Variants in COP1 observed in about 807,000 individuals in gnomAD.
COP1 encodes COP1 E3 ubiquitin ligase.
A neutral mutation model predicts 101.3 loss-of-function variants in COP1; 24 were observed. The ratio of observed to expected loss-of-function variants is 0.24; its 90% CI spans 0.17 to 0.33. The LOEUF is 0.33. Ranked by LOEUF, COP1 falls within the 10% of genes least tolerant of loss-of-function variation. The pLI, the probability that COP1 is intolerant of heterozygous loss-of-function variation, is 1.00. For synonymous variants in COP1, 347 were observed against 341.9 expected, an observed-to-expected ratio of 1.01 and a Z score of -0.17; for missense variants, 663 against 906.2, an observed-to-expected ratio of 0.73 and a Z score of 3.45.
chr1:176,183,868 C>T (rs1202871845), intron 2 of COP1, among the ~76,000 whole-genome samples: 1 of 152,010 alleles, frequency 6.6e-6, no homozygotes, highest in Non-Finnish European at 1.5e-5. Context: ...TCTACTTATT[C>T]GAGGTATCTA....
chr1:176,080,008 A>C (rs1341124220), intron 11 of COP1, among the ~76,000 whole-genome samples: 1 of 152,172 alleles, frequency 6.6e-6, no homozygotes, highest in South Asian at 2.1e-4. Flanking sequence ...AAAAAAAATC[A>C]GTAACAGAAA....
intron 9 of COP1, among the ~76,000 whole-genome samples, chr1:176,086,412 G>C (rs1393246909): frequency 6.6e-6 from 1 of 151,778 alleles, no homozygotes; most frequent in Admixed American, 6.6e-5. Context: ...ATTTTTAGTA[G>C]AGACAGGGTT....
At chr1:176,071,916 G>A (rs975195881) in intron 11 of COP1, among the ~76,000 whole-genome samples, 1 of 152,144 alleles carries the variant, frequency 6.6e-6, no homozygotes, top group African/African-American at 2.4e-5. Flanking sequence ...CTCTAATAAA[G>A]GCAAGGGAAA....
intron 18 of COP1, among the ~76,000 whole-genome samples, chr1:175,964,088 C>T (rs1651710423): frequency 6.6e-6 from 1 of 152,112 alleles, no homozygotes; most frequent in Non-Finnish European, 1.5e-5. Context: ...ATATTACATG[C>T]AAGATACTAT....
intron 6 of COP1, among the ~76,000 whole-genome samples, chr1:176,147,017 T>C (rs1444207298): frequency 6.6e-6 from 1 of 152,202 alleles, no homozygotes; most frequent in Non-Finnish European, 1.5e-5. Context: ...TATATCAATG[T>C]CTAAAACTAC....
chr1:176,005,203 G>GT (rs1662816511), intron 15 of COP1, among the ~76,000 whole-genome samples: 1 of 151,800 alleles, frequency 6.6e-6, no homozygotes, highest in Non-Finnish European at 1.5e-5. Flanking sequence ...GTGATATCCC[G>GT]TTTATCATTT....
At chr1:175,997,639 C>A (rs975986987) in intron 15 of COP1, among the ~76,000 whole-genome samples, 23 of 152,126 alleles carry the variant, frequency 1.5e-4, no homozygotes, top group African/African-American at 5.3e-4. Context: ...CCAAAAAACA[C>A]ATGAAAAAAT....
In COP1 at chr1:176,093,766, G is replaced by A. The variant is rs1030908160; in HGVS notation, c.1027-7876C>T. 6.6e-5 allele frequency among the ~76,000 whole-genome samples: 10 copies of A among 152,120 alleles called. No homozygotes were observed. In the East Asian group the frequency reaches 1.9e-3, roughly 29 times the overall value. On this transcript the variant is annotated intron_variant, in intron 9 of 19. Coordinates refer to ENST00000367669, the MANE Select transcript of COP1 (RefSeq NM_022457.7). The stretch of plus-strand genomic sequence containing the variant: ...CAGGCAGGAGAATGCTGTGAACCTG[G>A]GAGGCGGAGCCTGCAGTGAGCCGAG...
chr1:176,045,329 G>C (rs1401192201), intron 12 of COP1, among the ~76,000 whole-genome samples: 4 of 151,854 alleles, frequency 2.6e-5, no homozygotes, highest in African/African-American at 9.7e-5. Context: ...CAAATGAATG[G>C]GGAAGCTCAC....
intron 9 of COP1, among the ~76,000 whole-genome samples, chr1:176,113,065 C>T (rs1022512757): frequency 2.6e-5 from 4 of 152,060 alleles, no homozygotes; most frequent in African/African-American, 4.8e-5. Context: ...GGATATATAG[C>T]CAGCAGTGGG....
chr1:176,187,803 G>A (rs148941311), intron 1 of COP1, among the ~76,000 whole-genome samples: 1 of 152,088 alleles, frequency 6.6e-6, no homozygotes, highest in Non-Finnish European at 1.5e-5. Context: ...ACCAAAAAGA[G>A]AAAATACGGG....
intron 5 of COP1, among the ~76,000 whole-genome samples, chr1:176,153,077 C>T (rs1018876927): frequency 2.6e-5 from 4 of 152,240 alleles, no homozygotes; most frequent in Admixed American, 6.5e-5. Context: ...TTCCCTAATT[C>T]TCCACCATCT....
At chr1:176,043,108 G>A in intron 14 of COP1, 78 bp downstream of exon 14, 1 of 826,718 alleles carries the variant, frequency 1.2e-6, no homozygotes, top group East Asian at 2.4e-5. Flanking sequence ...GTAAATATTT[G>A]TATTTCTGCC....
chr1:175,964,146 A>C (rs1465003059), intron 18 of COP1, among the ~76,000 whole-genome samples: 1 of 152,190 alleles, frequency 6.6e-6, no homozygotes, highest in Non-Finnish European at 1.5e-5. Context: ...AAGGTTAAAT[A>C]ACTTTCCCAA....
chr1:176,104,024 A>G (rs899560474), intron 9 of COP1, among the ~76,000 whole-genome samples: 2 of 152,196 alleles, frequency 1.3e-5, no homozygotes, highest in Non-Finnish European at 2.9e-5. Context: ...AGTATCAGAC[A>G]TTAAAACATA....
At chr1:176,144,262 A>G (rs1481672040) in intron 6 of COP1, among the ~76,000 whole-genome samples, 1 of 152,160 alleles carries the variant, frequency 6.6e-6, no homozygotes, top group African/African-American at 2.4e-5. Context: ...GTTGCTGGAT[A>G]TTTTTAAAAA....
At chr1:176,093,178 A>C (rs1681651770) in intron 9 of COP1, among the ~76,000 whole-genome samples, 1 of 152,210 alleles carries the variant, frequency 6.6e-6, no homozygotes, top group Non-Finnish European at 1.5e-5. Flanking sequence ...CATAAATATC[A>C]GAAAAATAAT....
intron 18 of COP1, 71 bp downstream of exon 18, chr1:175,986,872 T>A: frequency 8.4e-7 from 1 of 1,193,900 alleles, no homozygotes; most frequent in Admixed American, 2.7e-5. Context: ...TTTTAAAATT[T>A]AATCAAACCC....
rs1446755992 is a variant in COP1 at position 175,945,189 on chromosome 1, G to T, written c.2179-19C>A. 1.3e-6 allele frequency: 2 copies of T among 1,537,224 alleles called. No homozygotes were observed. Among genetic ancestry groups the T allele is most frequent in the Middle Eastern group, 1.7e-4 (1 of 5,942 alleles). ...CTAGCACCTAATTGGGGGGAAAAAAGGATCCATTTAATAAAATCATTTAAG... is the reference window on the plus strand; with the variant it reads ...CTAGCACCTAATTGGGGGGAAAAAATGATCCATTTAATAAAATCATTTAAG... On this transcript the variant is annotated intron_variant, in intron 19 of 19. Coordinates refer to ENST00000367669, the MANE Select transcript of COP1 (RefSeq NM_022457.7).
Sources: gnomAD v4.1 joint callset for allele counts (sites outside exome capture counted in the v4.1 genomes callset) on GRCh38, gnomAD v4.1.1 for gene constraint, MANE v1.5 for transcripts, NCBI Gene and HGNC (gene_info 2026-07-23, HGNC 2026-07-21) for gene names.